SCAPER: variants seen among roughly 807,000 people sequenced by gnomAD.
The protein encoded by SCAPER is S-phase cyclin A associated protein in the ER.
SCAPER carries 98 observed loss-of-function variants against 182.2 expected under a neutral mutation model. The observed-to-expected ratio is 0.54, with a 90% CI of 0.46 to 0.64. The LOEUF (loss-of-function observed/expected upper bound fraction) is 0.64. SCAPER is among the 30% of genes least tolerant of loss of function. The probability of loss-of-function intolerance (pLI) is 0.00; values close to 1 mark genes in which losing one functional copy is unlikely to be tolerated. For missense variants in SCAPER, 1,432 were observed against 1,690.0 expected, an observed-to-expected ratio of 0.85 and a Z score of 2.68; for synonymous variants, 605 against 564.6, an observed-to-expected ratio of 1.07 and a Z score of -1.01.
chr15:76,805,014 A>G (rs3110380), intron 5 of SCAPER, among the ~76,000 whole-genome samples: 148,977 of 152,290 alleles, frequency 0.98, 72,944 homozygotes, highest in South Asian at 1. Context: ...TTCAAGACCA[A>G]CCTGGGCAAG....
chr15:76,634,857 G>A (rs1597830922), intron 21 of SCAPER, among the ~76,000 whole-genome samples: 1 of 152,010 alleles, frequency 6.6e-6, no homozygotes, highest in East Asian at 1.9e-4. Flanking sequence ...GTATTTGTGT[G>A]TGTGTGTGTG....
At chr15:76,484,640 G>A (rs1264274599) in intron 24 of SCAPER, among the ~76,000 whole-genome samples, 1 of 151,952 alleles carries the variant, frequency 6.6e-6, no homozygotes, top group Non-Finnish European at 1.5e-5. Flanking sequence ...CTCATTCTAT[G>A]AGGCGAGCAT....
At chr15:76,740,156 C>T (rs1307992057) in intron 15 of SCAPER, among the ~76,000 whole-genome samples, 1 of 152,180 alleles carries the variant, frequency 6.6e-6, no homozygotes, top group East Asian at 1.9e-4. Context: ...ATAAGAGTGA[C>T]ACCCTGTCTC....
At chr15:76,553,868 C>T (rs1340618962) in intron 23 of SCAPER, among the ~76,000 whole-genome samples, 1 of 152,130 alleles carries the variant, frequency 6.6e-6, no homozygotes, top group East Asian at 1.9e-4. Context: ...AACATCAGCC[C>T]ACACAGATGA....
At chr15:76,741,029 C>CA (rs1041196087) in intron 15 of SCAPER, among the ~76,000 whole-genome samples, 2 of 152,014 alleles carry the variant, frequency 1.3e-5, no homozygotes. Context: ...TTTATTATCT[C>CA]AAAAAATTCT....
chr15:76,796,834 CAATTATT>C (rs988109171), intron 7 of SCAPER, among the ~76,000 whole-genome samples: 1 of 152,096 alleles, frequency 6.6e-6, no homozygotes, highest in Non-Finnish European at 1.5e-5. Flanking sequence ...CACTACGGTT[CAATTATT>C]AAATGGTTCC....
At chr15:76,440,909 TTTTTTTTTG>T (rs1300113262) in intron 25 of SCAPER, among the ~76,000 whole-genome samples, 10 of 48,986 alleles carry the variant, frequency 2.0e-4, no homozygotes, top group African/African-American at 3.0e-4. Context: ...CCCTTCTGGT[TTTTTTTTTG>T]TTTTTTTTTT....
chr15:76,461,654 T>C (rs1364700517), intron 25 of SCAPER, among the ~76,000 whole-genome samples: 1 of 152,194 alleles, frequency 6.6e-6, no homozygotes, highest in African/African-American at 2.4e-5. Flanking sequence ...CTTTCTGTCA[T>C]TGAGCTGAGT....
chr15:76,841,300 T>C (rs912610544), intron 5 of SCAPER, among the ~76,000 whole-genome samples: 1 of 152,058 alleles, frequency 6.6e-6, no homozygotes, highest in Non-Finnish European at 1.5e-5. Flanking sequence ...TCATAAGAGG[T>C]AATTAAATGA....
At chr15:76,403,951 A>G (rs2044644119) in intron 27 of SCAPER, among the ~76,000 whole-genome samples, 1 of 152,104 alleles carries the variant, frequency 6.6e-6, no homozygotes, top group Admixed American at 6.5e-5. Context: ...AGGGTAGTCT[A>G]AACAGCCAAC....
At chr15:76,813,231 A>T (rs1221213165) in intron 5 of SCAPER, among the ~76,000 whole-genome samples, 26 of 79,890 alleles carry the variant, frequency 3.3e-4, no homozygotes, top group African/African-American at 8.6e-4. Context: ...TTTCACTAAA[A>T]AAAAAAAAAA....
At chr15:76,780,802 C>A (rs1352293810) in intron 8 of SCAPER, among the ~76,000 whole-genome samples, 5 of 152,116 alleles carry the variant, frequency 3.3e-5, no homozygotes, top group Non-Finnish European at 5.9e-5. Context: ...ACTTGACTGT[C>A]AGAAGGAAAA....
chr15:76,641,842 GATC>G (rs1440954512), intron 21 of SCAPER, among the ~76,000 whole-genome samples: 3 of 152,240 alleles, frequency 2.0e-5, no homozygotes, highest in African/African-American at 4.8e-5. Flanking sequence ...TTTTTGAGTT[GATC>G]ATCATCATTA....
At chr15:76,579,438 A>C (rs1198013351) in intron 22 of SCAPER, among the ~76,000 whole-genome samples, 1 of 151,874 alleles carries the variant, frequency 6.6e-6, no homozygotes, top group Non-Finnish European at 1.5e-5. Flanking sequence ...TTTTTATGCA[A>C]GTAGTGTTAA....
Position 76,504,847 on chromosome 15 carries a change from AACTAT to A in SCAPER, c.2954+7_2954+11del, listed in dbSNP as rs2041442174. ...ATGAAACGTAAAAAATAGATTAAGA[AACTAT>A]ACTTACTTAGGAGGAATTCTTAAAA... On this transcript the variant is annotated splice_region_variant and intron_variant, in intron 24 of 31. Coordinates refer to ENST00000563290, the MANE Select transcript of SCAPER (RefSeq NM_020843.4). The A allele has an allele frequency of 2.5e-6, 4 of 1,582,038 alleles. No individual in the cohort carries two copies. The South Asian group carries it at 3.5e-5, about 14-fold the overall frequency.
At chr15:76,638,466 T>A (rs1238545532) in intron 21 of SCAPER, among the ~76,000 whole-genome samples, 1 of 152,210 alleles carries the variant, frequency 6.6e-6, no homozygotes, top group Non-Finnish European at 1.5e-5. Context: ...CAATAGTTCA[T>A]CACTAAGTAT....
intron 31 of SCAPER, chr15:76,349,060 G>A (rs564981447): frequency 5.1e-4 from 86 of 170,060 alleles, no homozygotes; most frequent in Admixed American, 8.9e-4. Context: ...AGTGGTGCGC[G>A]CCTGTAGTCC....
At chr15:76,432,126 T>G (rs981694683) in intron 26 of SCAPER, among the ~76,000 whole-genome samples, 1 of 152,238 alleles carries the variant, frequency 6.6e-6, no homozygotes, top group South Asian at 2.1e-4. Flanking sequence ...ATGACAAGCA[T>G]GCAGGGTTGC....
chr15:76,724,904 C>G (rs2060489459), intron 17 of SCAPER, among the ~76,000 whole-genome samples: 1 of 152,082 alleles, frequency 6.6e-6, no homozygotes, highest in Non-Finnish European at 1.5e-5. Context: ...GTCCGCTGTT[C>G]TGAAGCCTTC....
Sources: allele counts gnomAD v4.1 joint callset (sites outside exome capture counted in the v4.1 genomes callset), GRCh38; gene constraint gnomAD v4.1.1; transcripts MANE v1.5; gene names NCBI Gene and HGNC (gene_info 2026-07-23, HGNC 2026-07-21).